WWOX: variants seen among roughly 807,000 people sequenced by gnomAD.
WWOX encodes the protein WW domain-containing oxidoreductase.
WWOX carries 69 observed loss-of-function variants against 46.2 expected under a neutral mutation model. That is an observed-to-expected ratio of 1.49 (90% CI 1.23 to 1.82). WWOX has a LOEUF of 1.82. WWOX is among the 40% of genes most tolerant of loss of function. WWOX has a pLI of 0.00. For synonymous variants in WWOX, 359 were observed against 202.6 expected (o/e 1.77, Z -6.56); for missense variants, 919 against 542.6 (o/e 1.69, Z -6.89).
chr16:79,055,287 T>C (rs2048240644), intron 8 of WWOX, among the ~76,000 whole-genome samples: 1 of 152,208 alleles, frequency 6.6e-6, no homozygotes. Flanking sequence ...TGAGTTCACA[T>C]TGTGATAAAG....
intron 8 of WWOX, among the ~76,000 whole-genome samples, chr16:79,171,456 T>A (rs185955589): frequency 1.8e-4 from 27 of 152,206 alleles, no homozygotes; most frequent in Non-Finnish European, 1.5e-4. Flanking sequence ...TATAAGAAGT[T>A]TTTTGTCGGT....
At chr16:78,306,093 C>A (rs1021782680) in intron 5 of WWOX, among the ~76,000 whole-genome samples, 2 of 152,068 alleles carry the variant, frequency 1.3e-5, no homozygotes, top group African/African-American at 4.8e-5. Flanking sequence ...GCATTTGCGT[C>A]TCGCTGCCTG....
At chr16:78,792,228 T>C (rs950709112) in intron 8 of WWOX, among the ~76,000 whole-genome samples, 1 of 152,162 alleles carries the variant, frequency 6.6e-6, no homozygotes. Context: ...CCTGCATTGC[T>C]CTGCTCATCT....
intron 8 of WWOX, among the ~76,000 whole-genome samples, chr16:78,507,752 G>T (rs143134158): frequency 1.3e-4 from 20 of 152,256 alleles, no homozygotes; most frequent in Non-Finnish European, 2.4e-4. Context: ...CAGTCTTACT[G>T]TGCCGTGTGC....
intron 8 of WWOX, among the ~76,000 whole-genome samples, chr16:78,830,556 A>G (rs527588305): frequency 6.6e-6 from 1 of 152,190 alleles, no homozygotes; most frequent in East Asian, 1.9e-4. Context: ...GATTCCCAGC[A>G]TCTTCTTTCA....
At chr16:78,665,400 C>T (rs2047307205) in intron 8 of WWOX, among the ~76,000 whole-genome samples, 1 of 152,082 alleles carries the variant, frequency 6.6e-6, no homozygotes. Flanking sequence ...TATTGAGTTA[C>T]TGAATATAAC....
At chr16:78,870,931 C>A (rs2044114363) in intron 8 of WWOX, among the ~76,000 whole-genome samples, 1 of 152,142 alleles carries the variant, frequency 6.6e-6, no homozygotes, top group East Asian at 1.9e-4. Flanking sequence ...AAATCTGAAA[C>A]TGTCTGCCTG....
intron 8 of WWOX, among the ~76,000 whole-genome samples, chr16:78,931,977 C>A (rs145442714): frequency 2.0e-5 from 3 of 152,238 alleles, no homozygotes; most frequent in Non-Finnish European, 4.4e-5. Context: ...CACAAACTCT[C>A]TTGCCTGCTG....
chr16:79,108,564 G>C (rs1043951547), intron 8 of WWOX, among the ~76,000 whole-genome samples: 1 of 152,178 alleles, frequency 6.6e-6, no homozygotes, highest in Non-Finnish European at 1.5e-5. Flanking sequence ...CATACTTAAG[G>C]GTGATTGGCT....
intron 5 of WWOX, among the ~76,000 whole-genome samples, chr16:78,256,185 C>G (rs1048538837): frequency 1.4e-5 from 2 of 144,106 alleles, no homozygotes; most frequent in African/African-American, 5.1e-5. Context: ...GTAACTCATT[C>G]AAGGCTACAC....
intron 8 of WWOX, among the ~76,000 whole-genome samples, chr16:78,446,311 T>C (rs968193491): frequency 6.6e-6 from 1 of 152,156 alleles, no homozygotes; most frequent in Non-Finnish European, 1.5e-5. Flanking sequence ...GAGGAGGTCT[T>C]GGGTTTAAAG....
At chr16:78,125,484 C>CTAAA (rs2033322536) in intron 4 of WWOX, among the ~76,000 whole-genome samples, 1 of 152,108 alleles carries the variant, frequency 6.6e-6, no homozygotes, top group Admixed American at 6.5e-5. Context: ...TCGCTCTGTG[C>CTAAA]CCGGTCAAGT....
intron 5 of WWOX, among the ~76,000 whole-genome samples, chr16:78,185,841 A>G (rs931149663): frequency 9.9e-6 from 1 of 100,910 alleles, no homozygotes; most frequent in Non-Finnish European, 2.1e-5. Flanking sequence ...TAATTTTTGT[A>G]TTTTTAGTAG....
intron 8 of WWOX, among the ~76,000 whole-genome samples, chr16:78,836,049 G>A (rs1477124870): frequency 3.3e-5 from 5 of 152,108 alleles, no homozygotes; most frequent in Non-Finnish European, 5.9e-5. Context: ...CATGAAAATT[G>A]TGTATTCACA....
intron 8 of WWOX, among the ~76,000 whole-genome samples, chr16:78,790,662 C>G (rs1279204071): frequency 1.3e-5 from 2 of 152,118 alleles, no homozygotes; most frequent in East Asian, 3.9e-4. Flanking sequence ...ACATGAAACA[C>G]AAGTACAAAG....
chr16:78,959,284 T>C (rs897578335), intron 8 of WWOX, among the ~76,000 whole-genome samples: 14 of 152,358 alleles, frequency 9.2e-5, no homozygotes, highest in African/African-American at 3.4e-4. Flanking sequence ...TTCATTTATT[T>C]TTCAAAAGGC....
At chr16:78,985,868 A>G (rs1232545380) in intron 8 of WWOX, among the ~76,000 whole-genome samples, 2 of 152,248 alleles carry the variant, frequency 1.3e-5, no homozygotes, top group Non-Finnish European at 1.5e-5. Context: ...TCATGCCTGC[A>G]TTCCAAATGG....
chr16:78,245,014 A>T (rs2037772503), intron 5 of WWOX, among the ~76,000 whole-genome samples: 1 of 152,076 alleles, frequency 6.6e-6, no homozygotes, highest in South Asian at 2.1e-4. Flanking sequence ...ATTTTGTTTT[A>T]TTTTGTTTTG....
intron 8 of WWOX, among the ~76,000 whole-genome samples, chr16:78,835,136 C>T (rs558437911): frequency 9.5e-4 from 145 of 152,246 alleles, no homozygotes; most frequent in Admixed American, 1.9e-3. Flanking sequence ...GGGCTTGAAT[C>T]CAGTGTATCT....
Sources: gnomAD v4.1 joint callset for allele counts (sites outside exome capture counted in the v4.1 genomes callset) on GRCh38, gnomAD v4.1.1 for gene constraint, MANE v1.5 for transcripts, NCBI Gene and HGNC (gene_info 2026-07-23, HGNC 2026-07-21) for gene names.